The following IGSF10 variants were observed in gnomAD, a reference collection of about 807,000 sequenced individuals.
IGSF10 encodes immunoglobulin superfamily member 10.
IGSF10 carries 126 observed loss-of-function variants against 128.2 expected under a neutral mutation model. That is an observed-to-expected ratio of 0.98 (90% CI 0.85 to 1.14). The LOEUF is 1.14. Ranked by LOEUF, IGSF10 falls within the 50% of genes most tolerant of loss-of-function variation. The pLI is 0.00. For missense variants in IGSF10, 3,295 were observed against 3,149.8 expected (o/e 1.05, Z -1.10); for synonymous variants, 1,185 against 1,146.2 (o/e 1.03, Z -0.68).
the IGSF10 span, among the ~76,000 whole-genome samples, chr3:151,548,729 T>C: frequency 1.3e-5 from 2 of 152,034 alleles, no homozygotes; most frequent in Non-Finnish European, 2.9e-5. Context: ...TAGTTTTTCC[T>C]TTTTTTAATT....
At chr3:151,613,523 T>C in the IGSF10 span, among the ~76,000 whole-genome samples, 3 of 152,082 alleles carry the variant, frequency 2.0e-5, no homozygotes, top group African/African-American at 7.2e-5. Context: ...TAATGACACA[T>C]ATCTACAACT....
the IGSF10 span, among the ~76,000 whole-genome samples, chr3:151,575,537 C>G: frequency 6.6e-6 from 1 of 152,214 alleles, no homozygotes; most frequent in Non-Finnish European, 1.5e-5. Context: ...GAGCCAGGTG[C>G]AGGATATAAT....
Position 151,448,485 on chromosome 3 carries a change from C to T in IGSF10, c.1496G>A (p.Gly499Asp), listed in dbSNP as rs1312259647. ...VGGTVGLNCPGQGDPTPHVDW... is the reference protein window; with the variant it reads ...VGGTVGLNCPDQGDPTPHVDW... ...CACGTGTGGGGTGGGGTCTCCTTGG[C>T]CTGGGCAGTTCAGGCCAACGGTTCC... is the stretch of plus-strand genomic sequence containing the variant. The change falls in exon 6 of 8, where the codon GGC becomes GAC. Residue 499 changes from glycine (G) to aspartate (D), a missense_variant. Physicochemically the swap from Gly to Asp is moderately conservative, Grantham distance 94. Coordinates refer to ENST00000282466, the MANE Select transcript of IGSF10 (RefSeq NM_178822.5). 7.4e-6 allele frequency: 12 copies of T among 1,614,086 alleles called. No individual in the cohort carries two copies. The highest frequency in any genetic ancestry group is 1.0e-5 in the Non-Finnish European group (12 of 1,180,048).
Position 151,448,456 on chromosome 3 carries a change from A to G in IGSF10, c.1525T>C (p.Trp509Arg). 1.2e-6 allele frequency: 2 copies of G among 1,614,234 alleles called. No individual in the cohort carries two copies. The highest frequency in any genetic ancestry group is 1.7e-6 in the Non-Finnish European group (2 of 1,180,038). ...GQGDPTPHVDWLLADGSKVRA... is the reference protein window; with the variant it reads ...GQGDPTPHVDRLLADGSKVRA... The stretch of plus-strand genomic sequence containing the variant: ...ACTTTACTTCCATCAGCTAGAAGCC[A>G]ATCCACGTGTGGGGTGGGGTCTCCT... Residue 509 changes from tryptophan (W) to arginine (R), a missense_variant, in exon 6 of 8, where the codon TGG (tryptophan) becomes CGG (arginine). Physicochemically the swap from Trp to Arg is moderately radical, Grantham distance 101 (BLOSUM62 -3). Transcript: ENST00000282466.
At chr3:151,492,366 C>T in the IGSF10 span, among the ~76,000 whole-genome samples, 1 of 152,068 alleles carries the variant, frequency 6.6e-6, no homozygotes, top group South Asian at 2.1e-4. Context: ...TAAATGTTGG[C>T]GAGGATATGG....
the IGSF10 span, among the ~76,000 whole-genome samples, chr3:151,576,440 A>G: frequency 1.2e-4 from 19 of 152,158 alleles, no homozygotes; most frequent in Admixed American, 1.2e-3. Context: ...ATAAACACAG[A>G]CCAGAGTTTT....
chr3:151,521,256 C>G, the IGSF10 span, among the ~76,000 whole-genome samples: 16 of 152,016 alleles, frequency 1.1e-4, no homozygotes, highest in Middle Eastern at 3.4e-3. Flanking sequence ...GACATAGACT[C>G]CCATACAGTA....
chr3:151,469,509 C>T, the IGSF10 span, among the ~76,000 whole-genome samples: 1 of 151,998 alleles, frequency 6.6e-6, no homozygotes, highest in Non-Finnish European at 1.5e-5. Context: ...GCATGTAAAC[C>T]TTCTTCAGAG....
At chr3:151,475,044 G>T in the IGSF10 span, among the ~76,000 whole-genome samples, 1 of 152,256 alleles carries the variant, frequency 6.6e-6, no homozygotes, top group Admixed American at 6.5e-5. Flanking sequence ...TAGGCATTTT[G>T]ATATTATTCT....
the IGSF10 span, among the ~76,000 whole-genome samples, chr3:151,608,686 C>T: frequency 6.6e-6 from 1 of 152,036 alleles, no homozygotes; most frequent in African/African-American, 2.4e-5. Flanking sequence ...CTTTTATTGA[C>T]CTACTATATT....
chr3:151,498,286 G>A, the IGSF10 span, among the ~76,000 whole-genome samples: 1 of 152,156 alleles, frequency 6.6e-6, no homozygotes, highest in Non-Finnish European at 1.5e-5. Context: ...ACCCATTCAA[G>A]TATGATATTG....
chr3:151,458,773 ACACT>A, intron 2 of IGSF10, 63 bp from the exon 3 acceptor site: 1 of 1,367,738 alleles, frequency 7.3e-7, no homozygotes, highest in South Asian at 1.3e-5. Context: ...GGACCACCAC[ACACT>A]CACTCTGGGA....
At chr3:151,505,201 T>C in the IGSF10 span, among the ~76,000 whole-genome samples, 2 of 152,198 alleles carry the variant, frequency 1.3e-5, no homozygotes, top group African/African-American at 4.8e-5. Context: ...TGACTCACAG[T>C]TCTGCATGGC....
the IGSF10 span, among the ~76,000 whole-genome samples, chr3:151,498,983 A>G: frequency 6.6e-6 from 1 of 152,128 alleles, no homozygotes; most frequent in East Asian, 1.9e-4. Flanking sequence ...GATCTAACAA[A>G]TGTTTACCTT....
At chr3:151,455,804 A>G (rs1005066627) in intron 4 of IGSF10, among the ~76,000 whole-genome samples, 4 of 152,222 alleles carry the variant, frequency 2.6e-5, no homozygotes, top group African/African-American at 7.2e-5. Flanking sequence ...GAATATTTCA[A>G]TAGTGCTCAG....
the IGSF10 span, among the ~76,000 whole-genome samples, chr3:151,483,129 A>T: frequency 4.6e-5 from 7 of 152,214 alleles, no homozygotes; most frequent in Non-Finnish European, 1.0e-4. Context: ...AGTAGAGATA[A>T]ATTTAGAGTC....
At chr3:151,461,306 C>T (rs1722052556), upstream of IGSF10, 25 of 985,378 alleles carry the variant, frequency 2.5e-5, no homozygotes, top group Non-Finnish European at 3.0e-5. Context: ...TTGACCTCTT[C>T]CACCTGTTGA....
the IGSF10 span, among the ~76,000 whole-genome samples, chr3:151,541,209 T>C: frequency 6.6e-6 from 1 of 152,340 alleles, no homozygotes; most frequent in African/African-American, 2.4e-5. Flanking sequence ...ACATCAGTCA[T>C]GTTTTTGACT....
At chr3:151,547,020 C>CCA in the IGSF10 span, among the ~76,000 whole-genome samples, 2 of 152,026 alleles carry the variant, frequency 1.3e-5, no homozygotes, top group African/African-American at 4.8e-5. Context: ...ATCCACCCCC[C>CCA]CCTTGGCCTC....
Sources: gnomAD v4.1 joint callset for allele counts (sites outside exome capture counted in the v4.1 genomes callset) on GRCh38, gnomAD v4.1.1 for gene constraint, MANE v1.5 for transcripts, NCBI Gene and HGNC (gene_info 2026-07-23, HGNC 2026-07-21) for gene names.